Variants in TFCP2L1 observed in about 807,000 individuals in gnomAD.
The protein encoded by TFCP2L1 is transcription factor CP2 like 1.
In TFCP2L1, 12 loss-of-function variants were observed where a neutral mutation model predicts 72.2. The observed-to-expected ratio is 0.17, with a 90% confidence interval of 0.11 to 0.27. TFCP2L1 has a LOEUF of 0.27. Among genes scored for constraint, TFCP2L1 ranks in the 10% least tolerant of loss-of-function variants. TFCP2L1 has a pLI of 1.00. For synonymous variants in TFCP2L1, 260 were observed against 251.0 expected, an observed-to-expected ratio of 1.04 and a Z score of -0.34; for missense variants, 488 against 624.6, an observed-to-expected ratio of 0.78 and a Z score of 2.33.
chr2:121,248,177 G>T lies in TFCP2L1; in HGVS notation c.491C>A (p.Ser164Tyr). Residue 164 changes from serine to tyrosine, a missense_variant, in exon 5 of 15, where the codon TCT becomes TAT. Transcript: ENST00000263707. ...EFLWDPAKRA[S>Y]AFIQVHCIST... ...CCTGTGGCCCACCTGAATGAATGCA[G>T]AAGCTCTCTTCGCAGGGTCCCACAA... The T allele has an allele frequency of 6.2e-7, 1 of 1,613,868 alleles. No individual in the cohort carries two copies. Among genetic ancestry groups the T allele is most frequent in the Non-Finnish European group, 8.5e-7 (1 of 1,179,936 alleles).
chr2:121,229,190 T>C (rs1314117894), intron 13 of TFCP2L1, among the ~76,000 whole-genome samples: 1 of 152,094 alleles, frequency 6.6e-6, no homozygotes, highest in African/African-American at 2.4e-5. Context: ...GTGCTGGGAT[T>C]ACAGACATGA....
At chr2:121,259,612 A>T (rs1468739426) in intron 2 of TFCP2L1, among the ~76,000 whole-genome samples, 1 of 152,348 alleles carries the variant, frequency 6.6e-6, no homozygotes, top group East Asian at 1.9e-4. Flanking sequence ...TAAAATTAAG[A>T]TTACAAAAAG....
At chr2:121,270,808 G>A (rs142154693) in intron 2 of TFCP2L1, among the ~76,000 whole-genome samples, 29 of 151,862 alleles carry the variant, frequency 1.9e-4, no homozygotes, top group African/African-American at 7.0e-4. Flanking sequence ...GCTCTAGGCT[G>A]CAGTGAGCTA....
chr2:121,248,997 G>T lies in TFCP2L1; in HGVS notation c.382C>A (p.Arg128=), dbSNP rs567743742. 4.0e-4 allele frequency: 646 copies of T among 1,600,288 alleles called. 12 individuals carry two copies. The South Asian group carries it at 6.9e-3, about 17-fold the overall frequency. The change falls in exon 4 of 15, where the codon CGG becomes AGG. Residue 128 remains arginine, a synonymous_variant. Coordinates refer to ENST00000263707, the MANE Select transcript of TFCP2L1 (RefSeq NM_014553.3). ...GGAGACTCACCGATGTCCAGGATCCGGTCCCCTGGCCGACTCCACCGCCAG... is the reference window on the plus strand; with the variant it reads ...GGAGACTCACCGATGTCCAGGATCCTGTCCCCTGGCCGACTCCACCGCCAG... ...EGWRWSRPGD[R]ILDIDIPLSV... is the part of the protein sequence containing the mutation.
chr2:121,283,097 G>A (rs1687297415), intron 1 of TFCP2L1, among the ~76,000 whole-genome samples: 1 of 152,164 alleles, frequency 6.6e-6, no homozygotes, highest in Non-Finnish European at 1.5e-5. Flanking sequence ...ATAATCCACG[G>A]ACTGCTGCCT....
At position 121,248,416 on chromosome 2, in the gene TFCP2L1, G is replaced by A. The variant is rs146054426; in HGVS notation, c.398-146C>T. On this transcript the variant is annotated intron_variant, in intron 4 of 14. Transcript: ENST00000263707. ...AAAAGTTTTGCATAACTTACTGGAC[G>A]GAAAGCCTGACCTGAACCACAAGCG... is the stretch of plus-strand genomic sequence containing the variant. The A allele has an allele frequency of 6.9e-5, 43 of 627,702 alleles. 1 individual carries two copies. The highest frequency in any genetic ancestry group is 6.2e-4 in the South Asian group (30 of 48,556). The allele number at this position is 627,702 out of a possible 1,614,324, so 38.9% of individuals were successfully genotyped here. A position where few individuals can be genotyped will look rare whatever the true frequency, so the allele number is the denominator to read the frequency against.
intron 2 of TFCP2L1, among the ~76,000 whole-genome samples, chr2:121,255,732 T>C (rs544704691): frequency 2.0e-5 from 3 of 151,448 alleles, no homozygotes; most frequent in African/African-American, 7.3e-5. Context: ...TCTATTACAT[T>C]TCCCCTGAAC....
At chr2:121,236,120 G>A (rs1686244214) in intron 10 of TFCP2L1, among the ~76,000 whole-genome samples, 1 of 152,160 alleles carries the variant, frequency 6.6e-6, no homozygotes, top group African/African-American at 2.4e-5. Context: ...CTATCATTGT[G>A]TGACTACACC....
In TFCP2L1 at chr2:121,222,345, G is replaced by A. The variant is rs1487146403; in HGVS notation, c.*1996C>T. 2 of 152,160 alleles carry A rather than the reference G, an allele frequency of 1.3e-5. No homozygotes were observed. Among genetic ancestry groups the A allele is most frequent in the Non-Finnish European group, 1.5e-5 (1 of 68,030 alleles). 9.4% of individuals were successfully genotyped at this position (152,160 alleles called of 1,614,324 possible). ...AAAACATATGTCCACACAAAATCTTGTAGAAATATGTTCATAGCAGCATCA... is the reference window on the plus strand; with the variant it reads ...AAAACATATGTCCACACAAAATCTTATAGAAATATGTTCATAGCAGCATCA... On this transcript the variant is annotated 3_prime_UTR_variant, in exon 15 of 15. Transcript: ENST00000263707.
At position 121,249,007 on chromosome 2, in the gene TFCP2L1, C is replaced by G. The variant is rs528515466; in HGVS notation, c.372G>C (p.Arg124=). Residue 124 remains arginine, a synonymous_variant, in exon 4 of 15, where the codon CGG becomes CGC. Coordinates refer to ENST00000263707, the MANE Select transcript of TFCP2L1 (RefSeq NM_014553.3). ...HQQLEGWRWS[R]PGDRILDIDI... ...CGATGTCCAGGATCCGGTCCCCTGG[C>G]CGACTCCACCGCCAGCCCTCCAGCT... 1.2e-6 allele frequency: 2 copies of G among 1,602,510 alleles called. No homozygotes were observed. Among genetic ancestry groups the G allele is most frequent in the Non-Finnish European group, 1.7e-6 (2 of 1,175,160 alleles).
chr2:121,238,967 C>T (rs1301196002), intron 8 of TFCP2L1, among the ~76,000 whole-genome samples: 1 of 152,128 alleles, frequency 6.6e-6, no homozygotes, highest in African/African-American at 2.4e-5. Context: ...ACCCCTGCTG[C>T]CAGCACAGGG....
intron 2 of TFCP2L1, among the ~76,000 whole-genome samples, chr2:121,253,804 G>C (rs1191322410): frequency 6.6e-6 from 1 of 152,022 alleles, no homozygotes; most frequent in Non-Finnish European, 1.5e-5. Flanking sequence ...TCAGCAGCAG[G>C]GTCCTGATCC....
At chr2:121,276,020 G>A (rs996099308) in intron 2 of TFCP2L1, among the ~76,000 whole-genome samples, 3 of 152,230 alleles carry the variant, frequency 2.0e-5, no homozygotes, top group Non-Finnish European at 4.4e-5. Flanking sequence ...AAGAACATCA[G>A]CAGCACAGGA....
intron 5 of TFCP2L1, among the ~76,000 whole-genome samples, chr2:121,247,224 C>T (rs990508837): frequency 3.3e-5 from 5 of 152,156 alleles, no homozygotes; most frequent in Non-Finnish European, 4.4e-5. Flanking sequence ...AGCTAAGTCC[C>T]CACCACTCCC....
chr2:121,277,649 C>T (rs1383773015), intron 2 of TFCP2L1, among the ~76,000 whole-genome samples: 1 of 152,004 alleles, frequency 6.6e-6, no homozygotes, highest in African/African-American at 2.4e-5. Flanking sequence ...AACTAAGTGG[C>T]CATAATATGA....
At chr2:121,245,433 T>C (rs1312702265) in intron 6 of TFCP2L1, among the ~76,000 whole-genome samples, 1 of 152,058 alleles carries the variant, frequency 6.6e-6, no homozygotes, top group Non-Finnish European at 1.5e-5. Flanking sequence ...ACAGCAGCAA[T>C]AGGAAGCAAG....
rs1573362482 is a variant in TFCP2L1, at chr2:121,235,309, C to T, written c.1006G>A (p.Ala336Thr). 6.2e-7 allele frequency: 1 copy of T among 1,614,074 alleles called. No individual in the cohort carries two copies. The highest frequency in any genetic ancestry group is 2.2e-5 in the East Asian group (1 of 44,874). The change falls in exon 11 of 15, where the codon GCT becomes ACT. Residue 336 changes from alanine to threonine, a missense_variant and splice_region_variant. Physicochemically the swap from Ala to Thr is moderately conservative, Grantham distance 58 (BLOSUM62 0). Transcript: ENST00000263707. ...FCRLFASFSG[A>T]DLLKMSRDDL... ...TCTCGGGACATCTTCAGCAAGTCAG[C>T]ACCTAGGCAGGAAAAAAACGGGGAT...
Position 121,281,223 on chromosome 2 carries a change from G to C in TFCP2L1, c.111C>G (p.Ser37=), listed in dbSNP as rs146283721. The change falls in exon 2 of 15, where the codon TCC becomes TCG. Residue 37 remains serine, a synonymous_variant. Transcript: ENST00000263707. The stretch of plus-strand genomic sequence containing the variant: ...GTGGCAGGCGGGCCTCGTTCTCGGG[G>C]GACAGCTGGGGTTCCTCCTGCTTGA... The part of the protein sequence containing the change: ...PIFKQEEPQL[S]PENEARLPPL... 1 of 1,611,668 alleles carries C rather than the reference G, an allele frequency of 6.2e-7. No homozygotes were observed. The highest frequency in any genetic ancestry group is 1.3e-5 in the African/African-American group (1 of 74,728).
At chr2:121,283,329 G>A (rs542938951) in intron 1 of TFCP2L1, among the ~76,000 whole-genome samples, 2 of 152,242 alleles carry the variant, frequency 1.3e-5, no homozygotes, top group South Asian at 4.2e-4. Flanking sequence ...TACAAAAAAC[G>A]CAAGGAAAAG....
Sources: gnomAD v4.1 joint callset for allele counts (sites outside exome capture counted in the v4.1 genomes callset) on GRCh38, gnomAD v4.1.1 for gene constraint, MANE v1.5 for transcripts, NCBI Gene and HGNC (gene_info 2026-07-23, HGNC 2026-07-21) for gene names.